FMOD: variants seen among roughly 807,000 people sequenced by gnomAD.
The protein encoded by FMOD is KSPG fibromodulin.
A neutral mutation model predicts 27.0 loss-of-function variants in FMOD; 15 were observed. The ratio of observed to expected loss-of-function variants is 0.55; its 90% CI spans 0.37 to 0.85. FMOD has a LOEUF of 0.85. FMOD is among the 40% of genes least tolerant of loss of function. FMOD has a pLI of 0.00. For missense variants in FMOD, 460 were observed against 483.2 expected, an observed-to-expected ratio of 0.95 and a Z score of 0.45; for synonymous variants, 210 against 214.0, an observed-to-expected ratio of 0.98 and a Z score of 0.16.
At chr1:203,349,315 C>T (rs1009342756) in intron 1 of FMOD, among the ~76,000 whole-genome samples, 1 of 152,184 alleles carries the variant, frequency 6.6e-6, no homozygotes, top group Non-Finnish European at 1.5e-5. Context: ...TCCCAAGCTA[C>T]CTGCTCCCAG....
At chr1:203,348,845 G>A (rs1658943911) in intron 1 of FMOD, among the ~76,000 whole-genome samples, 1 of 152,230 alleles carries the variant, frequency 6.6e-6, no homozygotes, top group African/African-American at 2.4e-5. Context: ...TGGGCAGGCT[G>A]GGAGTTTTTG....
rs1363497253 is a variant in FMOD at position 203,347,325 on chromosome 1, C to T, written c.946G>A (p.Glu316Lys). ...CTATTGCCTTGGAGGTAGAGGTTCT[C>T]CAGGTTGGTGTTGACTGGGGGGATC... ...QKIPPVNTNL[E>K]NLYLQGNRIN... is the part of the protein sequence containing the mutation. Residue 316 changes from glutamate (E) to lysine (K), a missense_variant, in exon 2 of 3, where the codon GAG becomes AAG. Transcript: ENST00000354955. 6.2e-7 allele frequency: 1 copy of T among 1,613,598 alleles called. No homozygotes were observed. Among genetic ancestry groups the T allele is most frequent in the Non-Finnish European group, 8.5e-7 (1 of 1,179,722 alleles).
In FMOD at chr1:203,348,004, G is replaced by A. The variant is rs747950849; in HGVS notation, c.267C>T (p.Ala89=). 3 of 1,608,200 alleles carry A rather than the reference G, an allele frequency of 1.9e-6. No homozygotes were observed. The highest frequency in any genetic ancestry group is 2.5e-6 in the Non-Finnish European group (3 of 1,176,648). The part of the protein sequence containing the change: ...ECDCPPNFPT[A]MYCDNRNLKY... ...TGAGGTTGCGATTGTCACAGTACAT[G>A]GCCGTGGGGAAGTTGGGTGGGCAGT... is the stretch of plus-strand genomic sequence containing the variant. The change falls in exon 2 of 3, where the codon GCC becomes GCT. Residue 89 remains alanine, a synonymous_variant. Coordinates refer to ENST00000354955, the MANE Select transcript of FMOD (RefSeq NM_002023.5).
intron 2 of FMOD, among the ~76,000 whole-genome samples, chr1:203,344,119 G>T (rs530585006): frequency 1.9e-4 from 29 of 152,308 alleles, no homozygotes; most frequent in African/African-American, 6.7e-4. Context: ...CAGGTTGGGG[G>T]CAGAGCCTAG....
chr1:203,342,620 G>T, intron 2 of FMOD, 126 bp from the exon 3 acceptor site: 3 of 931,146 alleles, frequency 3.2e-6, no homozygotes, highest in East Asian at 2.7e-5. Context: ...GAGGGCAGAT[G>T]TTTTCCAGGA....
At chr1:203,342,712 T>TA (rs1239154233) in intron 2 of FMOD, among the ~76,000 whole-genome samples, 28 of 152,006 alleles carry the variant, frequency 1.8e-4, no homozygotes, top group African/African-American at 6.8e-4. Flanking sequence ...GCTCACCTCC[T>TA]AACCACCAAC....
chr1:203,342,760 C>T (rs947899084), intron 2 of FMOD, among the ~76,000 whole-genome samples: 32 of 149,688 alleles, frequency 2.1e-4, no homozygotes, highest in Non-Finnish European at 1.0e-4. Flanking sequence ...TGTTCTTAAG[C>T]GTCCTTCCCT....
intron 2 of FMOD, 50 bp from the exon 3 acceptor site, chr1:203,342,544 A>T (rs757143665): frequency 6.4e-7 from 1 of 1,571,558 alleles, no homozygotes; most frequent in East Asian, 2.3e-5. Flanking sequence ...CAGATTACGA[A>T]CCTGAAGCCA....
intron 2 of FMOD, among the ~76,000 whole-genome samples, chr1:203,344,756 T>C (rs1380314071): frequency 6.6e-6 from 1 of 152,162 alleles, no homozygotes; most frequent in African/African-American, 2.4e-5. Context: ...CAGGGAGATG[T>C]CCCTCACGTT....
intron 1 of FMOD, among the ~76,000 whole-genome samples, 187 bp downstream of exon 1, chr1:203,350,846 G>A (rs1658985895): frequency 6.6e-6 from 1 of 152,206 alleles, no homozygotes; most frequent in African/African-American, 2.4e-5. Context: ...GAAAGGTACA[G>A]GGCTGGAACC....
In FMOD at chr1:203,342,167, A is replaced by G. The variant is rs879050318; in HGVS notation, c.*176T>C. 7.6e-6 allele frequency: 5 copies of G among 659,138 alleles called. No individual in the cohort carries two copies. The East Asian group carries it at 1.5e-4, about 20-fold the overall frequency. 40.8% of individuals were successfully genotyped at this position (659,138 alleles called of 1,614,324 possible). ...GAGCTTCTGCCTATGTCCTCAGCAG[A>G]AGGCTGCCTGTCCCTGATCGCCCCC... On this transcript the variant is annotated 3_prime_UTR_variant, in exon 3 of 3. Transcript: ENST00000354955.
chr1:203,346,418 T>C (rs1326527421), intron 2 of FMOD, among the ~76,000 whole-genome samples: 1 of 151,492 alleles, frequency 6.6e-6, no homozygotes, highest in African/African-American at 2.4e-5. Context: ...GAATACTAGA[T>C]CCTAAGACTA....
At chr1:203,346,874 C>G (rs986867665) in intron 2 of FMOD, among the ~76,000 whole-genome samples, 1 of 152,200 alleles carries the variant, frequency 6.6e-6, no homozygotes, top group Non-Finnish European at 1.5e-5. Flanking sequence ...TCTCTTACTG[C>G]TCCCTGACAC....
In FMOD at chr1:203,342,311, G is replaced by T; in HGVS notation, c.*32C>A. The stretch of plus-strand genomic sequence containing the variant: ...AACCATCAAGCCAAATGCCACGGGG[G>T]CTCTCCGCCCAGTACCCGGTGCCAG... On this transcript the variant is annotated 3_prime_UTR_variant, in exon 3 of 3. Coordinates refer to ENST00000354955, the MANE Select transcript of FMOD (RefSeq NM_002023.5). 1 of 1,590,636 alleles carries T rather than the reference G, an allele frequency of 6.3e-7. No homozygotes were observed. The highest frequency in any genetic ancestry group is 8.6e-7 in the Non-Finnish European group (1 of 1,164,368).
chr1:203,347,262 AGTCCCCGCCTCCCTTTGCCAAG>A lies in FMOD; in HGVS notation c.979+8_979+29del. ...TGTCTTTCAAGTGAAATAGACAGCC[AGTCCCCGCCTCCCTTTGCCAAG>A]GTCTCACCATTGATCCTATTGCCTT... On this transcript the variant is annotated splice_region_variant and intron_variant, in intron 2 of 2. Coordinates refer to ENST00000354955, the MANE Select transcript of FMOD (RefSeq NM_002023.5). 6.4e-7 allele frequency: 1 copy of A among 1,568,856 alleles called. No homozygotes were observed. Among genetic ancestry groups the A allele is most frequent in the Middle Eastern group, 1.7e-4 (1 of 5,802 alleles).
intron 2 of FMOD, among the ~76,000 whole-genome samples, chr1:203,344,036 G>A (rs896506591): frequency 1.3e-5 from 2 of 152,182 alleles, no homozygotes; most frequent in Admixed American, 6.5e-5. Context: ...TCCTGGTGGG[G>A]TAGAATTTCT....
chr1:203,349,030 T>A (rs1003763499), intron 1 of FMOD, among the ~76,000 whole-genome samples: 2 of 152,208 alleles, frequency 1.3e-5, no homozygotes, highest in Admixed American at 1.3e-4. Context: ...CAGTTACAAA[T>A]CCTTTCCAGA....
At chr1:203,343,122 A>C (rs1247401903) in intron 2 of FMOD, among the ~76,000 whole-genome samples, 7 of 152,346 alleles carry the variant, frequency 4.6e-5, no homozygotes, top group Non-Finnish European at 1.0e-4. Flanking sequence ...CTCATAGAGC[A>C]CTGGGGCTGC....
At position 203,348,054 on chromosome 1, in the gene FMOD, G is replaced by T. The variant is rs927587691; in HGVS notation, c.217C>A (p.Pro73Thr). 6.2e-7 allele frequency: 1 copy of T among 1,613,754 alleles called. No individual in the cohort carries two copies. Residue 73 changes from proline (P) to threonine (T), a missense_variant, in exon 2 of 3, where the codon CCC (proline) becomes ACC (threonine). Physicochemically the swap from Pro to Thr is conservative, Grantham distance 38. Coordinates refer to ENST00000354955, the MANE Select transcript of FMOD (RefSeq NM_002023.5). ...YTYGSPSPPD[P>T]RDCPQECDCP... ...TCGCACTCCTGGGGGCAGTCGCGGGGATCTGGAGGGGATGGAGAGCCGTAG... is the reference window on the plus strand; with the variant it reads ...TCGCACTCCTGGGGGCAGTCGCGGGTATCTGGAGGGGATGGAGAGCCGTAG...
Sources: allele counts gnomAD v4.1 joint callset (sites outside exome capture counted in the v4.1 genomes callset), GRCh38; gene constraint gnomAD v4.1.1; transcripts MANE v1.5; gene names NCBI Gene and HGNC (gene_info 2026-07-23, HGNC 2026-07-21).